Variants in TLK2 observed in about 807,000 individuals in gnomAD.
TLK2 encodes the protein tousled like kinase 2.
A neutral mutation model predicts 117.3 loss-of-function variants in TLK2; 6 were observed. That is an observed-to-expected ratio of 0.05 (90% CI 0.03 to 0.10). The LOEUF (loss-of-function observed/expected upper bound fraction) is 0.10. Among genes scored for constraint, TLK2 ranks in the 10% least tolerant of loss-of-function variants. The pLI is 1.00. For synonymous variants in TLK2, 257 were observed against 316.7 expected (o/e 0.81, Z 2.00); for missense variants, 299 against 901.2 (o/e 0.33, Z 8.56).
At chr17:62,501,943 T>A (rs1567802474) in intron 2 of TLK2, among the ~76,000 whole-genome samples, 1 of 150,860 alleles carries the variant, frequency 6.6e-6, no homozygotes, top group East Asian at 1.9e-4. Context: ...AAACAAACAA[T>A]CAAACAAAGT....
rs1196536682 is a variant in TLK2 at position 62,489,782 on chromosome 17, T to C, written c.81+8576T>C. ...CTTTGTTACAATTGATGATACGTTA[T>C]TAACTAAAGTCCATTGTTCACAGTT... On this transcript the variant is annotated intron_variant, in intron 2 of 21. Coordinates refer to ENST00000346027, the MANE Select transcript of TLK2 (RefSeq NM_006852.6). 2.6e-5 allele frequency among the ~76,000 whole-genome samples: 4 copies of C among 152,358 alleles called. No homozygotes were observed. The East Asian group carries it at 7.7e-4, about 29-fold the overall frequency.
intron 11 of TLK2, 48 bp downstream of exon 11, chr17:62,565,185 A>T: frequency 6.4e-7 from 1 of 1,571,524 alleles, no homozygotes; most frequent in South Asian, 1.2e-5. Context: ...GTTCGTTTGC[A>T]TTTTTTAGGT....
At chr17:62,547,242 G>A (rs970483295) in intron 7 of TLK2, among the ~76,000 whole-genome samples, 12 of 150,488 alleles carry the variant, frequency 8.0e-5, no homozygotes, top group South Asian at 2.1e-4. Context: ...TTGTTTTTTC[G>A]TCTTGGATTT....
chr17:62,580,446 G>A (rs1015472538), intron 15 of TLK2, among the ~76,000 whole-genome samples: 8 of 85,038 alleles, frequency 9.4e-5, no homozygotes, highest in Non-Finnish European at 1.8e-4. Context: ...ATACTGGGTC[G>A]TGGAATTATG....
chr17:62,602,214 A>G (rs1372906358), intron 19 of TLK2, 34 bp downstream of exon 19: 2 of 1,606,084 alleles, frequency 1.2e-6, no homozygotes, highest in Non-Finnish European at 1.7e-6. Flanking sequence ...GGTTGGCTAT[A>G]GAGATGTGGC....
chr17:62,543,121 G>A (rs1300659964), intron 7 of TLK2, among the ~76,000 whole-genome samples: 1 of 151,962 alleles, frequency 6.6e-6, no homozygotes, highest in Non-Finnish European at 1.5e-5. Context: ...TTTAAAGTAG[G>A]GAGTTGTTTG....
Position 62,525,403 on chromosome 17 carries a change from A to G in TLK2, c.363+1072A>G, listed in dbSNP as rs373026690. Among the ~76,000 whole-genome samples, 10 of 152,098 alleles carry G rather than the reference A, an allele frequency of 6.6e-5. No homozygotes were observed. The East Asian group carries it at 7.7e-4, about 12-fold the overall frequency. Reference sequence around the variant, plus strand: ...AACATAAGTTAAACTTATGAAAACAACTAAGAAGTTTTGGCTATTACTGTG... The same window carrying G: ...AACATAAGTTAAACTTATGAAAACAGCTAAGAAGTTTTGGCTATTACTGTG... On this transcript the variant is annotated intron_variant, in intron 6 of 21. Transcript: ENST00000346027.
chr17:62,503,663 C>T (rs990587708), intron 2 of TLK2, among the ~76,000 whole-genome samples: 27 of 151,880 alleles, frequency 1.8e-4, no homozygotes, highest in African/African-American at 6.5e-4. Flanking sequence ...ATGTGATCCT[C>T]CCGCCCCAGT....
At chr17:62,577,383 TA>T (rs1330867666) in intron 13 of TLK2, among the ~76,000 whole-genome samples, 1 of 152,024 alleles carries the variant, frequency 6.6e-6, no homozygotes, top group Admixed American at 6.6e-5. Context: ...ATCCTTGGAG[TA>T]AAATTTAAAT....
At chr17:62,513,844 C>A (rs1434895134) in intron 2 of TLK2, among the ~76,000 whole-genome samples, 2 of 151,792 alleles carry the variant, frequency 1.3e-5, no homozygotes, top group Non-Finnish European at 2.9e-5. Context: ...CCTGCCACCA[C>A]GTCCAGCTAA....
At chr17:62,576,627 A>T in intron 12 of TLK2, 82 bp from the exon 13 acceptor site, 5 of 1,025,636 alleles carry the variant, frequency 4.9e-6, no homozygotes, top group South Asian at 1.3e-5. Flanking sequence ...AATATGTCTT[A>T]TAGTATATTT....
At chr17:62,559,370 T>A (rs1453814087) in intron 9 of TLK2, among the ~76,000 whole-genome samples, 1 of 151,866 alleles carries the variant, frequency 6.6e-6, no homozygotes, top group East Asian at 1.9e-4. Context: ...GTAGTTTATT[T>A]TTTTTTTATT....
chr17:62,504,668 C>T (rs571798907), intron 2 of TLK2, among the ~76,000 whole-genome samples: 154 of 152,164 alleles, frequency 1.0e-3, no homozygotes, highest in African/African-American at 3.4e-3. Context: ...AAAAGCCGGA[C>T]ATGGCGGCAT....
chr17:62,584,017 A>G (rs996355480), intron 15 of TLK2, among the ~76,000 whole-genome samples: 1 of 152,040 alleles, frequency 6.6e-6, no homozygotes, highest in Non-Finnish European at 1.5e-5. Context: ...TTAGAATAGA[A>G]GTACAGTGTA....
At chr17:62,579,239 A>G (rs1316593360) in intron 14 of TLK2, among the ~76,000 whole-genome samples, 1 of 152,108 alleles carries the variant, frequency 6.6e-6, no homozygotes, top group East Asian at 1.9e-4. Flanking sequence ...ACTTCCTGAG[A>G]GCTCTCTGTG....
intron 21 of TLK2, among the ~76,000 whole-genome samples, chr17:62,611,474 A>G (rs1376242053): frequency 6.6e-6 from 1 of 152,240 alleles, no homozygotes; most frequent in Non-Finnish European, 1.5e-5. Flanking sequence ...CTGAAAGTAT[A>G]GAGTTCCCTT....
At chr17:62,607,700 A>G (rs568335235) in intron 20 of TLK2, among the ~76,000 whole-genome samples, 1 of 152,136 alleles carries the variant, frequency 6.6e-6, no homozygotes, top group South Asian at 2.1e-4. Context: ...TTAGGGCCGC[A>G]TGTATCCCTC....
intron 9 of TLK2, among the ~76,000 whole-genome samples, chr17:62,558,117 T>G (rs1016318408): frequency 2.4e-4 from 37 of 152,152 alleles, no homozygotes; most frequent in Middle Eastern, 6.8e-3. Context: ...TAATAAGATG[T>G]TGGGTATGGC....
chr17:62,588,157 A>G (rs922413988), intron 16 of TLK2, among the ~76,000 whole-genome samples: 1 of 151,878 alleles, frequency 6.6e-6, no homozygotes, highest in Non-Finnish European at 1.5e-5. Flanking sequence ...GTATACATCT[A>G]TACATATACA....
Sources: allele counts gnomAD v4.1 joint callset (sites outside exome capture counted in the v4.1 genomes callset), GRCh38; gene constraint gnomAD v4.1.1; transcripts MANE v1.5; gene names NCBI Gene and HGNC (gene_info 2026-07-23, HGNC 2026-07-21).